Variants in CTNND2 observed in about 807,000 individuals in gnomAD.
CTNND2 encodes the protein catenin delta-2.
In CTNND2, 22 loss-of-function variants were observed where a neutral mutation model predicts 144.4. The ratio of observed to expected loss-of-function variants is 0.15; its 90% CI spans 0.11 to 0.22. CTNND2 has a LOEUF of 0.22. CTNND2 is among the 10% of genes least tolerant of loss of function. The probability of loss-of-function intolerance (pLI) is 1.00; values close to 1 mark genes in which losing one functional copy is unlikely to be tolerated. For synonymous variants in CTNND2, 751 were observed against 695.6 expected (o/e 1.08, Z -1.25); for missense variants, 1,353 against 1,618.8 (o/e 0.84, Z 2.82).
chr5:11,139,255 C>G (rs1214210780), intron 12 of CTNND2, among the ~76,000 whole-genome samples: 1 of 152,182 alleles, frequency 6.6e-6, no homozygotes, highest in Non-Finnish European at 1.5e-5. Context: ...GCGACCACAC[C>G]CGGCCAGAAA....
intron 2 of CTNND2, among the ~76,000 whole-genome samples, chr5:11,642,225 G>A (rs762986838): frequency 2.0e-5 from 3 of 152,046 alleles, no homozygotes; most frequent in South Asian, 2.1e-4. Flanking sequence ...TGTTTGAAAC[G>A]TATCCGTAAT....
intron 2 of CTNND2, among the ~76,000 whole-genome samples, chr5:11,595,659 C>A (rs2150146744): frequency 6.6e-6 from 1 of 152,180 alleles, no homozygotes; most frequent in South Asian, 2.1e-4. Context: ...GTATAGTTGA[C>A]CATCTCGGTA....
At chr5:11,138,187 C>T (rs534309915) in intron 12 of CTNND2, among the ~76,000 whole-genome samples, 2 of 152,298 alleles carry the variant, frequency 1.3e-5, no homozygotes, top group South Asian at 4.1e-4. Context: ...TCCTCAAAGC[C>T]AGCCGTGATC....
At chr5:11,181,852 A>ATG (rs982981327) in intron 11 of CTNND2, among the ~76,000 whole-genome samples, 1 of 36,324 alleles carries the variant, frequency 2.8e-5, no homozygotes. Context: ...GTGTGTGTGG[A>ATG]TGTGTGTGTG....
chr5:11,346,042 G>A (rs1754744150), intron 9 of CTNND2, among the ~76,000 whole-genome samples: 1 of 151,998 alleles, frequency 6.6e-6, no homozygotes, highest in Admixed American at 6.6e-5. Context: ...AAATATGTAG[G>A]CCATGATATC....
At chr5:11,719,716 T>A (rs1221658341) in intron 2 of CTNND2, among the ~76,000 whole-genome samples, 1 of 152,148 alleles carries the variant, frequency 6.6e-6, no homozygotes, top group Admixed American at 6.6e-5. Context: ...TTCATTTAGT[T>A]AAATCTTCAC....
At chr5:11,139,687 G>A (rs1334486105) in intron 12 of CTNND2, among the ~76,000 whole-genome samples, 1 of 152,226 alleles carries the variant, frequency 6.6e-6, no homozygotes, top group East Asian at 1.9e-4. Flanking sequence ...GTGCTCCACA[G>A]GAATGCAACA....
chr5:11,235,932 A>G (rs1741581072), intron 10 of CTNND2, among the ~76,000 whole-genome samples: 2 of 152,234 alleles, frequency 1.3e-5, no homozygotes, highest in African/African-American at 4.8e-5. Context: ...CTTACACGCC[A>G]TAAAGATGAC....
At chr5:11,267,776 C>CA (rs1034347423) in intron 9 of CTNND2, among the ~76,000 whole-genome samples, 2 of 152,014 alleles carry the variant, frequency 1.3e-5, no homozygotes, top group Non-Finnish European at 2.9e-5. Flanking sequence ...ATAAAGTTCG[C>CA]AAAAAAGATT....
intron 5 of CTNND2, among the ~76,000 whole-genome samples, chr5:11,408,690 A>G (rs1761282382): frequency 1.3e-5 from 2 of 152,128 alleles, no homozygotes; most frequent in Non-Finnish European, 2.9e-5. Context: ...ATATATGTGG[A>G]AAGACCATAC....
At chr5:11,463,076 TA>T (rs1364019825) in intron 3 of CTNND2, among the ~76,000 whole-genome samples, 1 of 152,232 alleles carries the variant, frequency 6.6e-6, no homozygotes, top group Non-Finnish European at 1.5e-5. Flanking sequence ...TTTGACAATT[TA>T]AATCCTCCCA....
chr5:11,100,380 T>C (rs1339353988), intron 14 of CTNND2, among the ~76,000 whole-genome samples: 2 of 152,194 alleles, frequency 1.3e-5, no homozygotes, highest in African/African-American at 4.8e-5. Context: ...TATTCAAAGA[T>C]GACTTTGCAC....
chr5:11,350,179 A>G (rs939374309), intron 8 of CTNND2, among the ~76,000 whole-genome samples: 7 of 152,200 alleles, frequency 4.6e-5, no homozygotes, highest in African/African-American at 1.7e-4. Flanking sequence ...AAAGATACAG[A>G]GAAGAGGTGG....
chr5:11,023,045 G>A (rs1317155093), intron 16 of CTNND2, 66 bp from the exon 17 acceptor site: 7 of 1,435,006 alleles, frequency 4.9e-6, no homozygotes, highest in East Asian at 4.6e-5. Context: ...AGTGGCAGAG[G>A]TGGGTATGGG....
intron 1 of CTNND2, among the ~76,000 whole-genome samples, chr5:11,764,496 G>A (rs905388673): frequency 2.6e-5 from 4 of 152,084 alleles, no homozygotes; most frequent in Admixed American, 2.6e-4. Context: ...TGCTGGTGAG[G>A]CCACCCCAAA....
chr5:11,473,300 A>T (rs551839112), intron 3 of CTNND2, among the ~76,000 whole-genome samples: 24 of 152,326 alleles, frequency 1.6e-4, no homozygotes, highest in Admixed American at 1.4e-3. Flanking sequence ...CAAAATCAGT[A>T]AGATACAAGT....
intron 3 of CTNND2, among the ~76,000 whole-genome samples, chr5:11,548,205 T>G (rs999155759): frequency 6.6e-6 from 1 of 152,202 alleles, no homozygotes; most frequent in African/African-American, 2.4e-5. Context: ...CTTATTAGGA[T>G]GCATATGTGT....
At chr5:11,278,051 C>T (rs1580778375) in intron 9 of CTNND2, among the ~76,000 whole-genome samples, 1 of 152,290 alleles carries the variant, frequency 6.6e-6, no homozygotes, top group African/African-American at 2.4e-5. Context: ...TGTCCTGCTC[C>T]AACACATTCT....
intron 1 of CTNND2, among the ~76,000 whole-genome samples, chr5:11,775,722 T>C (rs1196939792): frequency 5.9e-5 from 9 of 152,230 alleles, no homozygotes; most frequent in Admixed American, 5.9e-4. Context: ...GTAGAGTATG[T>C]GTCTGCAGCC....
Sources: allele counts gnomAD v4.1 joint callset (sites outside exome capture counted in the v4.1 genomes callset), GRCh38; gene constraint gnomAD v4.1.1; transcripts MANE v1.5; gene names NCBI Gene and HGNC (gene_info 2026-07-23, HGNC 2026-07-21).